Variants in CTNNA3 observed in about 807,000 individuals in gnomAD.
CTNNA3 encodes catenin alpha-3.
CTNNA3 carries 76 observed loss-of-function variants against 95.7 expected under a neutral mutation model. That is an observed-to-expected ratio of 0.79 (90% CI 0.66 to 0.96). The LOEUF (loss-of-function observed/expected upper bound fraction) is 0.96. Ranked by LOEUF, CTNNA3 falls within the 40% of genes least tolerant of loss-of-function variation. The pLI is 0.00. For missense variants in CTNNA3, 1,191 were observed against 1,089.8 expected (o/e 1.09, Z -1.31); for synonymous variants, 431 against 374.4 (o/e 1.15, Z -1.74).
At chr10:67,501,161 G>A (rs189362826) in intron 5 of CTNNA3, among the ~76,000 whole-genome samples, 1 of 152,096 alleles carries the variant, frequency 6.6e-6, no homozygotes, top group African/African-American at 2.4e-5. Context: ...CAGGCCTGGT[G>A]GTGACAAAAT....
chr10:67,435,721 C>A (rs1042504686), intron 5 of CTNNA3, among the ~76,000 whole-genome samples: 4 of 152,086 alleles, frequency 2.6e-5, no homozygotes, highest in Middle Eastern at 3.4e-3. Context: ...ATCTCTTTTA[C>A]AATAGCTGCC....
rs1491255116 is a variant in CTNNA3 at position 66,421,898 on chromosome 10, A to ATG, written c.1532-42547_1532-42546insCA. Among the ~76,000 whole-genome samples, 21 of 40,336 alleles carry ATG rather than the reference A, an allele frequency of 5.2e-4. 1 individual carries two copies. Among genetic ancestry groups the ATG allele is most frequent in the South Asian group, 1.4e-3 (1 of 726 alleles). 26.5% of individuals were successfully genotyped at this position (40,336 alleles called of 152,430 possible). The stretch of plus-strand genomic sequence containing the variant: ...TTCTAAGAGCTTCATAATAAATGTG[A>ATG]TATATATATATATATATACACACAC... On this transcript the variant is annotated intron_variant, in intron 11 of 17. Transcript: ENST00000433211.
chr10:67,739,198 T>C (rs1841320648), intron 1 of CTNNA3, among the ~76,000 whole-genome samples: 1 of 152,124 alleles, frequency 6.6e-6, no homozygotes, highest in South Asian at 2.1e-4. Flanking sequence ...GAGAGAAAGG[T>C]TGGGTTACCC....
At chr10:67,057,734 C>T (rs773787004) in intron 7 of CTNNA3, among the ~76,000 whole-genome samples, 3 of 152,142 alleles carry the variant, frequency 2.0e-5, no homozygotes, top group African/African-American at 4.8e-5. Context: ...ACCACCACCA[C>T]GATGAGCTTC....
chr10:66,145,618 C>A (rs961073144), intron 13 of CTNNA3, among the ~76,000 whole-genome samples: 6 of 152,126 alleles, frequency 3.9e-5, no homozygotes, highest in African/African-American at 1.4e-4. Flanking sequence ...GTTCTCAATG[C>A]CTGATAACAG....
At chr10:67,760,782 T>G (rs1215284688) in intron 1 of CTNNA3, among the ~76,000 whole-genome samples, 4 of 152,036 alleles carry the variant, frequency 2.6e-5, no homozygotes, top group Non-Finnish European at 5.9e-5. Context: ...GTGATGTAGG[T>G]TGTGTGTTCC....
chr10:67,391,986 T>C (rs1245406226), intron 5 of CTNNA3, among the ~76,000 whole-genome samples: 7 of 151,546 alleles, frequency 4.6e-5, no homozygotes, highest in South Asian at 2.1e-4. Flanking sequence ...ATTCAGGACA[T>C]AGGCATGGGC....
intron 7 of CTNNA3, among the ~76,000 whole-genome samples, chr10:67,122,092 G>A (rs1423790085): frequency 4.0e-5 from 6 of 150,946 alleles, no homozygotes; most frequent in Non-Finnish European, 8.8e-5. Flanking sequence ...CAGTTGGGAT[G>A]AGGATGAGTT....
At chr10:66,450,107 G>C (rs1186704059) in intron 11 of CTNNA3, among the ~76,000 whole-genome samples, 1 of 151,958 alleles carries the variant, frequency 6.6e-6, no homozygotes, top group Non-Finnish European at 1.5e-5. Flanking sequence ...GCAGTTTAGA[G>C]AGTAATGAAA....
At chr10:66,225,596 GTAA>G (rs2089242021) in intron 13 of CTNNA3, among the ~76,000 whole-genome samples, 1 of 151,344 alleles carries the variant, frequency 6.6e-6, no homozygotes, top group Admixed American at 6.6e-5. Context: ...TAAATATCAA[GTAA>G]TGGGATTGCT....
intron 13 of CTNNA3, among the ~76,000 whole-genome samples, chr10:66,260,192 A>T (rs35109069): frequency 0.19 from 29,346 of 152,066 alleles, 3,042 homozygotes; most frequent in Admixed American, 0.27. Context: ...TACAGAAAAG[A>T]AGGCCAAAAA....
intron 12 of CTNNA3, among the ~76,000 whole-genome samples, chr10:66,375,647 CAT>C (rs1326738855): frequency 2.6e-5 from 4 of 151,270 alleles, no homozygotes; most frequent in African/African-American, 9.7e-5. Flanking sequence ...ATATGTAAAC[CAT>C]ATTAAATGAA....
chr10:66,381,575 A>C (rs568917356), intron 11 of CTNNA3, among the ~76,000 whole-genome samples: 17 of 152,296 alleles, frequency 1.1e-4, no homozygotes, highest in African/African-American at 4.1e-4. Flanking sequence ...TGAATGAATG[A>C]ATGAATGAAG....
intron 7 of CTNNA3, among the ~76,000 whole-genome samples, chr10:67,110,043 A>C (rs1015197932): frequency 1.1e-4 from 16 of 152,120 alleles, no homozygotes; most frequent in Admixed American, 2.0e-4. Flanking sequence ...CCAATATATA[A>C]AATGTATACT....
chr10:66,088,115 A>C (rs1025142917), intron 14 of CTNNA3, among the ~76,000 whole-genome samples: 1 of 151,974 alleles, frequency 6.6e-6, no homozygotes, highest in Non-Finnish European at 1.5e-5. Context: ...ATTTTGGTCT[A>C]TAAAATTATG....
chr10:66,365,241 T>C (rs906567587), intron 12 of CTNNA3, among the ~76,000 whole-genome samples: 2 of 152,086 alleles, frequency 1.3e-5, no homozygotes, highest in Non-Finnish European at 2.9e-5. Context: ...TGCAGAGACA[T>C]GGATGAAGCT....
At chr10:66,275,299 G>C (rs1426182893) in intron 13 of CTNNA3, among the ~76,000 whole-genome samples, 1 of 152,144 alleles carries the variant, frequency 6.6e-6, no homozygotes, top group African/African-American at 2.4e-5. Context: ...TTGTATTTTA[G>C]TAGAGATGAG....
At chr10:67,651,315 T>C (rs575132350) in intron 1 of CTNNA3, among the ~76,000 whole-genome samples, 1 of 152,298 alleles carries the variant, frequency 6.6e-6, no homozygotes, top group Non-Finnish European at 1.5e-5. Flanking sequence ...CTCAAGTCTC[T>C]CATCACATCT....
intron 1 of CTNNA3, among the ~76,000 whole-genome samples, chr10:67,761,786 G>A (rs1366517022): frequency 6.6e-6 from 1 of 151,738 alleles, no homozygotes; most frequent in Non-Finnish European, 1.5e-5. Flanking sequence ...GCTGAGACAG[G>A]AGAATAGCAT....
Sources: gnomAD v4.1 joint callset for allele counts (sites outside exome capture counted in the v4.1 genomes callset) on GRCh38, gnomAD v4.1.1 for gene constraint, MANE v1.5 for transcripts, NCBI Gene and HGNC (gene_info 2026-07-23, HGNC 2026-07-21) for gene names.